Variants in ARHGAP44 observed in about 807,000 individuals in gnomAD.
ARHGAP44 encodes the protein Rho GTPase activating protein 44.
In ARHGAP44, 43 loss-of-function variants were observed where a neutral mutation model predicts 106.8. That is an observed-to-expected ratio of 0.40 (90% CI 0.32 to 0.52). The LOEUF is 0.52. Ranked by LOEUF, ARHGAP44 falls within the 20% of genes least tolerant of loss-of-function variation. The probability of loss-of-function intolerance (pLI) is 0.48; values close to 1 mark genes in which losing one functional copy is unlikely to be tolerated. For missense variants in ARHGAP44, 866 were observed against 1,050.5 expected (o/e 0.82, Z 2.43); for synonymous variants, 439 against 410.3 (o/e 1.07, Z -0.85).
At chr17:12,969,655 C>T (rs2041116) in intron 16 of ARHGAP44, among the ~76,000 whole-genome samples, 8,740 of 152,242 alleles carry the variant, frequency 0.057, 1,061 homozygotes, top group East Asian at 0.57. Context: ...TTCCGTCCAT[C>T]AAGGTGTTGT....
chr17:12,912,155 G>A, intron 4 of ARHGAP44, among the ~76,000 whole-genome samples: 1 of 152,172 alleles, frequency 6.6e-6, no homozygotes, highest in African/African-American at 2.4e-5. Context: ...AGGAAAAAAG[G>A]TTAGGAGAAC....
At chr17:12,853,048 C>T (rs570539924) in intron 1 of ARHGAP44, among the ~76,000 whole-genome samples, 13 of 152,250 alleles carry the variant, frequency 8.5e-5, no homozygotes, top group African/African-American at 2.2e-4. Context: ...TATCAACTCA[C>T]GTGATCACAA....
At chr17:12,901,070 C>T (rs764923907) in intron 3 of ARHGAP44, among the ~76,000 whole-genome samples, 8 of 151,830 alleles carry the variant, frequency 5.3e-5, no homozygotes, top group African/African-American at 9.7e-5. Flanking sequence ...ATTACAGGCA[C>T]CTGCCACCAT....
chr17:12,842,414 C>CAAAAAAAAAAAAAAAA (rs558245390), intron 1 of ARHGAP44, among the ~76,000 whole-genome samples: 2 of 56,350 alleles, frequency 3.5e-5, no homozygotes, highest in East Asian at 5.5e-4. Flanking sequence ...GAGACCATCT[C>CAAAAAAAAAAAAAAAA]AAAAAAAAAA....
intron 7 of ARHGAP44, among the ~76,000 whole-genome samples, chr17:12,937,406 C>G (rs995527187): frequency 3.9e-5 from 6 of 152,244 alleles, no homozygotes; most frequent in Admixed American, 2.6e-4. Context: ...AGTGGGTCCC[C>G]CTGGAGGATT....
chr17:12,924,431 A>G (rs893817568), intron 6 of ARHGAP44, among the ~76,000 whole-genome samples: 14 of 152,206 alleles, frequency 9.2e-5, no homozygotes, highest in Non-Finnish European at 1.9e-4. Flanking sequence ...CAGTGCTTAA[A>G]GAAGGAGCCT....
At chr17:12,963,320 A>G (rs1347757928) in intron 16 of ARHGAP44, among the ~76,000 whole-genome samples, 4 of 152,148 alleles carry the variant, frequency 2.6e-5, no homozygotes, top group African/African-American at 9.7e-5. Context: ...CCAGGTCAGA[A>G]GAAGCCTTGT....
intron 6 of ARHGAP44, among the ~76,000 whole-genome samples, chr17:12,927,045 G>T (rs1381245803): frequency 6.6e-6 from 1 of 151,938 alleles, no homozygotes; most frequent in African/African-American, 2.4e-5. Context: ...ACCTTTATAA[G>T]AAAAAATTAC....
chr17:12,802,942 TATATATATATATATATATA>T, intron 1 of ARHGAP44, among the ~76,000 whole-genome samples: 1 of 13,672 alleles, frequency 7.3e-5, no homozygotes, highest in African/African-American at 6.2e-4. Flanking sequence ...TATATATATA[TATATATATATATATATATA>T]TATATATATT....
At chr17:12,951,432 A>T (rs1055961303) in intron 12 of ARHGAP44, among the ~76,000 whole-genome samples, 7 of 152,192 alleles carry the variant, frequency 4.6e-5, no homozygotes, top group African/African-American at 1.4e-4. Flanking sequence ...CTAGGACAAG[A>T]ATGTGGTCCT....
At chr17:12,906,961 A>T (rs752682931) in intron 3 of ARHGAP44, among the ~76,000 whole-genome samples, 20 of 147,814 alleles carry the variant, frequency 1.4e-4, no homozygotes, top group Non-Finnish European at 1.8e-4. Flanking sequence ...CAAAACAAAC[A>T]AAAAAAACAG....
Position 12,956,072 on chromosome 17 carries a change from C to G in ARHGAP44, c.1250+92C>G, listed in dbSNP as rs902491568. On this transcript the variant is annotated intron_variant, in intron 14 of 20. Transcript: ENST00000379672. Reference sequence around the variant, plus strand: ...AGGACAGCTGGGGCCTAGCTGAGCACCAGCCTCATGTATTTTCCAAACCCT... The same window carrying G: ...AGGACAGCTGGGGCCTAGCTGAGCAGCAGCCTCATGTATTTTCCAAACCCT... The G allele has an allele frequency of 2.0e-5, 17 of 846,392 alleles. No homozygotes were observed. The Middle Eastern group carries it at 6.8e-4, about 34-fold the overall frequency. The allele number at this position is 846,392 out of a possible 1,614,324, so 52.4% of individuals were successfully genotyped here.
At chr17:12,868,593 A>ATT (rs1345160483) in intron 1 of ARHGAP44, among the ~76,000 whole-genome samples, 2 of 14,494 alleles carry the variant, frequency 1.4e-4, no homozygotes, top group African/African-American at 5.0e-4. Context: ...TATGCATTTT[A>ATT]TATATATATA....
chr17:12,936,457 T>C (rs1339356525), intron 7 of ARHGAP44, among the ~76,000 whole-genome samples: 1 of 152,234 alleles, frequency 6.6e-6, no homozygotes, highest in Admixed American at 6.5e-5. Context: ...TATGTAGCCT[T>C]TCCAGACTGG....
At chr17:12,985,803 A>G (rs1304780127) in intron 20 of ARHGAP44, 1 of 152,220 alleles carries the variant, frequency 6.6e-6, no homozygotes, top group Non-Finnish European at 1.5e-5. Context: ...GTGCAGTAGC[A>G]TGGCGGTGAG....
rs1246332928 is a variant in ARHGAP44, at chr17:12,949,674, G to A, written c.999G>A (p.Glu333=). ...IAGALKSYLR[E]LPEPLMTFEL... is the part of the protein sequence containing the mutation. ...GAGCTTTGAAATCTTACCTCCGAGA[G>A]TTGCCAGAACCTCTTATGACCTTTG... Residue 333 remains glutamate (E), a synonymous_variant, in exon 12 of 21, where the codon GAG becomes GAA. Coordinates refer to ENST00000379672, the MANE Select transcript of ARHGAP44 (RefSeq NM_014859.6). This position sits in a 1 kb window ranked among gnomAD's most constrained non-coding sequence, Gnocchi z 4.1. The A allele has an allele frequency of 3.7e-6, 6 of 1,613,902 alleles. No individual in the cohort carries two copies. The highest frequency in any genetic ancestry group is 1.6e-4 in the Middle Eastern group (1 of 6,062).
At chr17:12,817,737 C>T (rs975002291) in intron 1 of ARHGAP44, among the ~76,000 whole-genome samples, 2 of 152,010 alleles carry the variant, frequency 1.3e-5, no homozygotes, top group East Asian at 3.8e-4. Flanking sequence ...AAGTATCACA[C>T]ACCATTTTGC....
At position 12,990,515 on chromosome 17, in the gene ARHGAP44, C is replaced by T. The variant is rs1005753920; in HGVS notation, c.*344C>T. On this transcript the variant is annotated 3_prime_UTR_variant, in exon 21 of 21. Transcript: ENST00000379672. ...CGTCCTTTGCAGGGTCGGGGTGGTGCGGGAGAGGCTCACTTTGCCTGGTTA... is the reference window on the plus strand; with the variant it reads ...CGTCCTTTGCAGGGTCGGGGTGGTGTGGGAGAGGCTCACTTTGCCTGGTTA... 3 of 219,800 alleles carry T rather than the reference C, an allele frequency of 1.4e-5. No homozygotes were observed. Among genetic ancestry groups the T allele is most frequent in the South Asian group, 8.0e-5 (1 of 12,482 alleles). The allele number at this position is 219,800 out of a possible 1,614,324, so 13.6% of individuals were successfully genotyped here. A position where few individuals can be genotyped will look rare whatever the true frequency, so the allele number is the denominator to read the frequency against.
At chr17:12,921,176 C>G (rs936627052) in intron 6 of ARHGAP44, among the ~76,000 whole-genome samples, 4 of 151,710 alleles carry the variant, frequency 2.6e-5, no homozygotes, top group African/African-American at 9.7e-5. Context: ...AAGTGGTTCT[C>G]CTGCCTCAGC....
Sources: gnomAD v4.1 joint callset for allele counts (sites outside exome capture counted in the v4.1 genomes callset) on GRCh38, gnomAD v4.1.1 for gene constraint, Gnocchi (gnomAD v3.1) non-coding constraint, MANE v1.5 for transcripts, NCBI Gene and HGNC (gene_info 2026-07-23, HGNC 2026-07-21) for gene names.